Variants in FRMD4A observed in about 807,000 individuals in gnomAD.
The protein encoded by FRMD4A is FERM domain containing 4A, also known as FERM domain-containing protein 4A.
Under a neutral mutation model 129.1 loss-of-function variants are expected in FRMD4A, and 29 were observed. That is an observed-to-expected ratio of 0.22 (90% confidence interval 0.17 to 0.31). FRMD4A has a LOEUF of 0.31. Among genes scored for constraint, FRMD4A ranks in the 10% least tolerant of loss-of-function variants. The pLI is 1.00. For synonymous variants in FRMD4A, 634 were observed against 571.6 expected, an observed-to-expected ratio of 1.11 and a Z score of -1.56; for missense variants, 1,272 against 1,375.8, an observed-to-expected ratio of 0.92 and a Z score of 1.19.
intron 15 of FRMD4A, among the ~76,000 whole-genome samples, chr10:13,691,001 T>TGA (rs1382940278): frequency 1.3e-5 from 2 of 152,156 alleles, no homozygotes; most frequent in African/African-American, 4.8e-5. Flanking sequence ...TGTGTGTGTG[T>TGA]GAGAGAGACA....
At chr10:13,793,171 TC>T (rs1279448829) in intron 5 of FRMD4A, among the ~76,000 whole-genome samples, 1 of 146,606 alleles carries the variant, frequency 6.8e-6, no homozygotes, top group Non-Finnish European at 1.5e-5. Context: ...ACCCTCTGTT[TC>T]TTTTTTTTTT....
intron 2 of FRMD4A, among the ~76,000 whole-genome samples, chr10:14,213,680 C>T (rs1842991744): frequency 6.6e-6 from 1 of 152,174 alleles, no homozygotes; most frequent in African/African-American, 2.4e-5. Flanking sequence ...CTGTATAAAT[C>T]CCACCCTCAA....
At chr10:13,767,456 C>G (rs2092322206) in intron 6 of FRMD4A, among the ~76,000 whole-genome samples, 1 of 152,150 alleles carries the variant, frequency 6.6e-6, no homozygotes, top group Non-Finnish European at 1.5e-5. Context: ...CCAGGCTGGT[C>G]TCAAACTACT....
intron 2 of FRMD4A, among the ~76,000 whole-genome samples, chr10:14,289,094 T>C (rs1472621752): frequency 6.6e-6 from 1 of 152,230 alleles, no homozygotes; most frequent in Non-Finnish European, 1.5e-5. Context: ...TGCCTATGTC[T>C]CTTCAATATC....
At chr10:13,669,322 A>G (rs905298889) in intron 17 of FRMD4A, among the ~76,000 whole-genome samples, 14 of 152,148 alleles carry the variant, frequency 9.2e-5, no homozygotes, top group African/African-American at 3.4e-4. Context: ...CTGGCCTCCC[A>G]AAGTGCTGGG....
intron 2 of FRMD4A, among the ~76,000 whole-genome samples, chr10:14,094,674 T>A (rs990241155): frequency 6.6e-6 from 1 of 152,204 alleles, no homozygotes; most frequent in Non-Finnish European, 1.5e-5. Flanking sequence ...CTCTCTCTAT[T>A]GGGCATGCAG....
In FRMD4A at chr10:14,081,866, C is replaced by T. The variant is rs1400536853; in HGVS notation, c.46-222954G>A. On this transcript the variant is annotated intron_variant, in intron 2 of 24. Coordinates refer to ENST00000357447, the MANE Select transcript of FRMD4A (RefSeq NM_018027.5). ...CTCCAAAGACCATAGGCCTACACTG[C>T]CCCAGACTATTTAACACATCACTTT... 3.9e-5 allele frequency among the ~76,000 whole-genome samples: 6 copies of T among 152,312 alleles called. No homozygotes were observed. In the East Asian group the frequency reaches 7.7e-4, roughly 20 times the overall value.
intron 8 of FRMD4A, among the ~76,000 whole-genome samples, 185 bp downstream of exon 8, chr10:13,761,462 T>C (rs1237054357): frequency 6.6e-6 from 1 of 152,250 alleles, no homozygotes; most frequent in Non-Finnish European, 1.5e-5. Context: ...ATATCTCCCT[T>C]GCTATTACTA....
chr10:14,271,518 G>A (rs80178947), intron 2 of FRMD4A, among the ~76,000 whole-genome samples: 9,734 of 152,254 alleles, frequency 0.064, 393 homozygotes, highest in Non-Finnish European at 0.089. Context: ...AGACGGGTGG[G>A]AGAGTAGGCT....
At chr10:13,657,787 G>GTTTTTTTTTTTTTTTTTTTTTTTTT (rs1204181870) in intron 21 of FRMD4A, among the ~76,000 whole-genome samples, 2 of 110,960 alleles carry the variant, frequency 1.8e-5, no homozygotes, top group African/African-American at 3.7e-5. Flanking sequence ...TCGATTTCTG[G>GTTTTTTTTTTTTTTTTTTTTTTTTT]GTTTTTTTTT....
intron 2 of FRMD4A, among the ~76,000 whole-genome samples, chr10:14,149,362 C>T (rs1407783821): frequency 6.6e-6 from 1 of 152,164 alleles, no homozygotes; most frequent in Non-Finnish European, 1.5e-5. Context: ...TTTTTAGAGA[C>T]AGGGTCCCAC....
At chr10:13,998,842 C>A (rs1199034712) in intron 2 of FRMD4A, among the ~76,000 whole-genome samples, 1 of 152,174 alleles carries the variant, frequency 6.6e-6, no homozygotes, top group African/African-American at 2.4e-5. Flanking sequence ...CTGATTCCAG[C>A]CTTCTTCTCT....
intron 2 of FRMD4A, among the ~76,000 whole-genome samples, chr10:13,932,713 G>A (rs1210891630): frequency 3.3e-5 from 5 of 152,090 alleles, no homozygotes; most frequent in Non-Finnish European, 7.3e-5. Context: ...GAATGATGAT[G>A]TCTTAATATA....
chr10:13,854,114 T>C (rs2094180615), intron 3 of FRMD4A, among the ~76,000 whole-genome samples: 1 of 152,150 alleles, frequency 6.6e-6, no homozygotes, highest in African/African-American at 2.4e-5. Flanking sequence ...CCAGAATCTT[T>C]CCTACTAACG....
At chr10:13,744,198 C>A (rs1353340296) in intron 9 of FRMD4A, among the ~76,000 whole-genome samples, 1 of 151,986 alleles carries the variant, frequency 6.6e-6, no homozygotes, top group Non-Finnish European at 1.5e-5. Flanking sequence ...AATAGATGTC[C>A]CTGCATACCT....
intron 2 of FRMD4A, among the ~76,000 whole-genome samples, chr10:13,966,629 G>C (rs769526431): frequency 1.9e-4 from 29 of 152,330 alleles, no homozygotes; most frequent in Non-Finnish European, 3.4e-4. Context: ...CCAGGGCTGG[G>C]GCCGAGTGCT....
chr10:13,687,179 C>T (rs1468029877), intron 15 of FRMD4A, among the ~76,000 whole-genome samples: 1 of 152,142 alleles, frequency 6.6e-6, no homozygotes, highest in Non-Finnish European at 1.5e-5. Context: ...ACTGTAGTCC[C>T]AGCTGCTCAG....
chr10:14,261,986 A>ACACACC (rs1491315574), intron 2 of FRMD4A, among the ~76,000 whole-genome samples: 67 of 139,206 alleles, frequency 4.8e-4, no homozygotes, highest in Admixed American at 1.0e-3. Context: ...ACACACACAC[A>ACACACC]CCTCATTTTC....
intron 2 of FRMD4A, among the ~76,000 whole-genome samples, chr10:13,955,751 CCTAAAGAGAAA>C (rs2095406666): frequency 6.6e-6 from 1 of 152,106 alleles, no homozygotes; most frequent in Non-Finnish European, 1.5e-5. Flanking sequence ...TATTAAAGGC[CCTAAAGAGAAA>C]CTGTGTTCCA....
Sources: gnomAD v4.1 joint callset for allele counts (sites outside exome capture counted in the v4.1 genomes callset) on GRCh38, gnomAD v4.1.1 for gene constraint, MANE v1.5 for transcripts, NCBI Gene and HGNC (gene_info 2026-07-23, HGNC 2026-07-21) for gene names.